The following BBX variants were observed in gnomAD, a reference collection of about 807,000 sequenced individuals.
BBX encodes the protein BBX high mobility group box domain containing.
BBX carries 30 observed loss-of-function variants against 100.2 expected under a neutral mutation model. The ratio of observed to expected loss-of-function variants is 0.30; its 90% CI spans 0.22 to 0.41. BBX has a LOEUF of 0.41. BBX is among the 10% of genes least tolerant of loss of function. BBX has a pLI of 1.00. For missense variants in BBX, 1,023 were observed against 1,129.8 expected (o/e 0.91, Z 1.35); for synonymous variants, 376 against 388.1 (o/e 0.97, Z 0.37).
intron 2 of BBX, among the ~76,000 whole-genome samples, chr3:107,574,474 TG>T (rs2051624228): frequency 6.6e-6 from 1 of 152,212 alleles, no homozygotes; most frequent in Admixed American, 6.5e-5. Flanking sequence ...GGCTGATCTT[TG>T]AATGTTATGA....
chr3:107,615,859 A>G (rs1292256382), intron 2 of BBX, among the ~76,000 whole-genome samples: 1 of 152,120 alleles, frequency 6.6e-6, no homozygotes, highest in Non-Finnish European at 1.5e-5. Context: ...ATATTAACTG[A>G]AGCCTTTCAG....
At chr3:107,718,379 G>A in intron 5 of BBX, among the ~76,000 whole-genome samples, 1 of 149,492 alleles carries the variant, frequency 6.7e-6, no homozygotes, top group Non-Finnish European at 1.5e-5. Context: ...AACTATATAG[G>A]GCCTGTGGAA....
chr3:107,692,738 G>A (rs2060268294), intron 3 of BBX, among the ~76,000 whole-genome samples: 1 of 149,648 alleles, frequency 6.7e-6, no homozygotes, highest in Non-Finnish European at 1.5e-5. Context: ...GGGTCAAATG[G>A]TATTTCTAGT....
intron 3 of BBX, among the ~76,000 whole-genome samples, chr3:107,660,375 C>T (rs531524989): frequency 7.5e-4 from 114 of 151,952 alleles, no homozygotes; most frequent in African/African-American, 2.5e-3. Context: ...CAACTTTAGT[C>T]TCTTTCCTGC....
chr3:107,541,719 T>C (rs1286925432), intron 2 of BBX, among the ~76,000 whole-genome samples: 1 of 152,172 alleles, frequency 6.6e-6, no homozygotes, highest in Non-Finnish European at 1.5e-5. Flanking sequence ...GAGAATATGA[T>C]TTGATATTCA....
chr3:107,529,510 T>C (rs543902557), intron 2 of BBX, among the ~76,000 whole-genome samples: 50 of 152,324 alleles, frequency 3.3e-4, no homozygotes, highest in Non-Finnish European at 6.2e-4. Context: ...AACACTGCTA[T>C]GAAGGGAATA....
At chr3:107,744,253 G>T (rs1177301658) in intron 7 of BBX, among the ~76,000 whole-genome samples, 2 of 152,058 alleles carry the variant, frequency 1.3e-5, no homozygotes, top group Non-Finnish European at 2.9e-5. Flanking sequence ...TACATCTTGT[G>T]GTGATCAGTG....
chr3:107,586,592 A>T (rs1277897500), intron 2 of BBX, among the ~76,000 whole-genome samples: 2 of 152,220 alleles, frequency 1.3e-5, no homozygotes, highest in Non-Finnish European at 1.5e-5. Flanking sequence ...GCCATGAAAT[A>T]TACCTAAAAT....
At chr3:107,633,767 C>T (rs977288706) in intron 2 of BBX, among the ~76,000 whole-genome samples, 2 of 152,190 alleles carry the variant, frequency 1.3e-5, no homozygotes, top group African/African-American at 2.4e-5. Flanking sequence ...TCAGTTTTAA[C>T]CTCTGAAACC....
chr3:107,564,813 T>G (rs748615923), intron 2 of BBX, among the ~76,000 whole-genome samples: 1 of 152,240 alleles, frequency 6.6e-6, no homozygotes, highest in Non-Finnish European at 1.5e-5. Context: ...CTTTTCACAA[T>G]TTTTTGGCTA....
chr3:107,529,302 T>C (rs1213661424), intron 2 of BBX, among the ~76,000 whole-genome samples: 1 of 152,218 alleles, frequency 6.6e-6, no homozygotes, highest in Non-Finnish European at 1.5e-5. Context: ...TCCATCTCAT[T>C]GTTTAACATT....
intron 12 of BBX, among the ~76,000 whole-genome samples, chr3:107,776,904 A>G (rs1017592266): frequency 6.6e-6 from 1 of 152,174 alleles, no homozygotes; most frequent in Non-Finnish European, 1.5e-5. Flanking sequence ...TAACTAAATG[A>G]GAAATGGTGA....
intron 4 of BBX, 56 bp downstream of exon 4, chr3:107,710,678 A>T: frequency 6.9e-7 from 1 of 1,441,720 alleles, no homozygotes; most frequent in Non-Finnish European, 9.4e-7. Flanking sequence ...ATCATAATCT[A>T]GAAACAATAG....
At chr3:107,526,228 G>C in intron 1 of BBX, 99 bp from the exon 2 acceptor site, 1 of 397,986 alleles carries the variant, frequency 2.5e-6, no homozygotes, top group Non-Finnish European at 4.4e-6. Context: ...GGACTCCTGG[G>C]TTTTGGTACC....
intron 10 of BBX, among the ~76,000 whole-genome samples, chr3:107,763,455 A>G (rs2066084805): frequency 6.6e-6 from 1 of 152,208 alleles, no homozygotes; most frequent in South Asian, 2.1e-4. Context: ...ATCAGTAGAA[A>G]AGAATACATT....
chr3:107,523,217 CAG>C (rs2047484867), intron 1 of BBX, 110 bp downstream of exon 1: 1 of 220,182 alleles, frequency 4.5e-6, no homozygotes, highest in African/African-American at 2.4e-5. Flanking sequence ...GCGGCAGGAG[CAG>C]CGGCGGCGGC....
At chr3:107,582,492 G>A (rs2052360022) in intron 2 of BBX, among the ~76,000 whole-genome samples, 1 of 152,016 alleles carries the variant, frequency 6.6e-6, no homozygotes, top group African/African-American at 2.4e-5. Context: ...CCAAACTATT[G>A]ATACTAATTT....
intron 3 of BBX, chr3:107,657,073 A>G (rs1486711349): frequency 6.6e-6 from 1 of 152,126 alleles, no homozygotes; most frequent in Non-Finnish European, 1.5e-5. Flanking sequence ...CATATGGGCC[A>G]CTGAAAACTT....
chr3:107,667,526 G>A (rs982975882), intron 3 of BBX, among the ~76,000 whole-genome samples: 1 of 151,542 alleles, frequency 6.6e-6, no homozygotes, highest in Non-Finnish European at 1.5e-5. Context: ...AAGTACAGTA[G>A]AAAAATTTAT....
Sources: allele counts gnomAD v4.1 joint callset (sites outside exome capture counted in the v4.1 genomes callset), GRCh38; gene constraint gnomAD v4.1.1; transcripts MANE v1.5; gene names NCBI Gene and HGNC (gene_info 2026-07-23, HGNC 2026-07-21).